SYBU: variants seen among roughly 807,000 people sequenced by gnomAD.
The protein encoded by SYBU is GOLSYN A protein.
SYBU carries 21 observed loss-of-function variants against 35.9 expected under a neutral mutation model. The observed-to-expected ratio is 0.58, with a 90% confidence interval of 0.41 to 0.84. The LOEUF is 0.84. Ranked by LOEUF, SYBU falls within the 40% of genes least tolerant of loss-of-function variation. The pLI is 0.00. For missense variants in SYBU, 768 were observed against 848.2 expected, an observed-to-expected ratio of 0.91 and a Z score of 1.17; for synonymous variants, 319 against 324.3, an observed-to-expected ratio of 0.98 and a Z score of 0.18.
At chr8:109,639,668 T>A (rs973367235) in intron 2 of SYBU, among the ~76,000 whole-genome samples, 2 of 152,236 alleles carry the variant, frequency 1.3e-5, no homozygotes, top group Admixed American at 1.3e-4. Context: ...AAGGATGGTA[T>A]TTTTTAATAT....
chr8:109,650,591 C>T (rs1248968826), intron 1 of SYBU, among the ~76,000 whole-genome samples: 3 of 152,146 alleles, frequency 2.0e-5, no homozygotes, highest in African/African-American at 7.2e-5. Context: ...CTAGGTTATT[C>T]CTGTGAACCA....
intron 2 of SYBU, among the ~76,000 whole-genome samples, chr8:109,623,959 G>GT (rs891775185): frequency 2.0e-5 from 3 of 151,982 alleles, no homozygotes; most frequent in African/African-American, 7.2e-5. Flanking sequence ...TTTGCTTTTT[G>GT]TTTTATCAAA....
intron 1 of SYBU, among the ~76,000 whole-genome samples, chr8:109,659,232 T>A (rs1816473435): frequency 6.6e-6 from 1 of 152,168 alleles, no homozygotes; most frequent in Non-Finnish European, 1.5e-5. Flanking sequence ...AGAAAGACAG[T>A]CTTGCTCCAA....
rs112945043 is a variant in SYBU, at chr8:109,605,881, G to T, written c.427+12961C>A. Among the ~76,000 whole-genome samples, 806 of 152,204 alleles carry T rather than the reference G, an allele frequency of 5.3e-3. 7 individuals are homozygous for T. The highest frequency in any genetic ancestry group is 0.017 in the African/African-American group (715 of 41,544). On this transcript the variant is annotated intron_variant, in intron 3 of 6. Transcript: ENST00000276646. Reference sequence around the variant, plus strand: ...ATGGAAATCCTTTCAGGAAAAAAAAGAACTTAATATTTGAACCTAGATTTT... The same window carrying T: ...ATGGAAATCCTTTCAGGAAAAAAAATAACTTAATATTTGAACCTAGATTTT...
intron 1 of SYBU, among the ~76,000 whole-genome samples, chr8:109,656,896 T>G (rs1319297733): frequency 6.6e-6 from 1 of 152,118 alleles, no homozygotes; most frequent in African/African-American, 2.4e-5. Context: ...AAATATTATT[T>G]TGACACTTAA....
intron 2 of SYBU, among the ~76,000 whole-genome samples, chr8:109,621,579 T>C (rs767718511): frequency 2.0e-5 from 3 of 152,230 alleles, no homozygotes; most frequent in Non-Finnish European, 4.4e-5. Flanking sequence ...GGTCTTTCAT[T>C]GGTTAAATGA....
chr8:109,608,095 C>T (rs1826254074), intron 3 of SYBU: 2 of 665,522 alleles, frequency 3.0e-6, no homozygotes, highest in Admixed American at 3.0e-5. Flanking sequence ...AAGGAAGTTA[C>T]TCTGCTGGCA....
chr8:109,668,214 C>A (rs1324438253), intron 1 of SYBU, among the ~76,000 whole-genome samples: 5 of 99,326 alleles, frequency 5.0e-5, no homozygotes, highest in African/African-American at 1.2e-4. Flanking sequence ...CTTTTAATAG[C>A]GTAGGCATTT....
intron 3 of SYBU, among the ~76,000 whole-genome samples, chr8:109,601,733 C>G (rs1825547683): frequency 6.6e-6 from 1 of 152,076 alleles, no homozygotes; most frequent in South Asian, 2.1e-4. Flanking sequence ...AACTAAAACA[C>G]AGAGGAAGAA....
Position 109,580,005 on chromosome 8 carries a change from G to A in SYBU, c.531-3C>T, listed in dbSNP as rs368067978. On this transcript the variant is annotated splice_region_variant and splice_polypyrimidine_tract_variant and intron_variant, in intron 4 of 6. Transcript: ENST00000276646. ...TACTCCGCCCATGAGGACCTCGACTGGGAGAAAAGAATGAAAAATGTTAAA... is the reference window on the plus strand; with the variant it reads ...TACTCCGCCCATGAGGACCTCGACTAGGAGAAAAGAATGAAAAATGTTAAA... The A allele has an allele frequency of 2.5e-6, 4 of 1,611,762 alleles. No individual in the cohort carries two copies. The African/African-American group carries it at 4.0e-5, about 16-fold the overall frequency.
chr8:109,596,884 C>T (rs1291669367), intron 3 of SYBU, among the ~76,000 whole-genome samples: 1 of 152,096 alleles, frequency 6.6e-6, no homozygotes, highest in Non-Finnish European at 1.5e-5. Context: ...ATTCCATAGG[C>T]AAAAAGAAAT....
chr8:109,585,885 T>G, intron 4 of SYBU, 175 bp downstream of exon 4: 1 of 588,990 alleles, frequency 1.7e-6, no homozygotes, highest in East Asian at 2.9e-5. Context: ...GTGACCACAG[T>G]TGGCAAGACA....
At chr8:109,616,977 A>G (rs1371658199) in intron 3 of SYBU, among the ~76,000 whole-genome samples, 2 of 147,192 alleles carry the variant, frequency 1.4e-5, no homozygotes, top group Non-Finnish European at 3.0e-5. Flanking sequence ...CATTTCTACT[A>G]AAAAAAAAAG....
intron 3 of SYBU, among the ~76,000 whole-genome samples, chr8:109,591,208 AAAAC>A (rs1371899531): frequency 1.3e-5 from 2 of 152,190 alleles, no homozygotes; most frequent in African/African-American, 4.8e-5. Context: ...CTAGATGAGA[AAAAC>A]AAGATGCAGA....
At chr8:109,673,491 T>A (rs570833477) in intron 1 of SYBU, among the ~76,000 whole-genome samples, 1 of 152,026 alleles carries the variant, frequency 6.6e-6, no homozygotes, top group African/African-American at 2.4e-5. Context: ...AGCATCAACA[T>A]CAACATAAAG....
At chr8:109,638,904 A>T (rs181759901) in intron 2 of SYBU, among the ~76,000 whole-genome samples, 1 of 152,342 alleles carries the variant, frequency 6.6e-6, no homozygotes, top group African/African-American at 2.4e-5. Context: ...CTCTTTGGGG[A>T]CACACCCCAA....
At chr8:109,642,622 G>T in intron 2 of SYBU, 106 bp downstream of exon 2, 1 of 623,626 alleles carries the variant, frequency 1.6e-6, no homozygotes, top group Non-Finnish European at 2.5e-6. Flanking sequence ...CATCCTAATA[G>T]TAGAAGTGTA....
intron 2 of SYBU, among the ~76,000 whole-genome samples, chr8:109,629,990 T>A (rs1813424170): frequency 6.6e-6 from 1 of 152,048 alleles, no homozygotes; most frequent in African/African-American, 2.4e-5. Flanking sequence ...TTTGATGGGG[T>A]TGTTTGTTTT....
intron 1 of SYBU, among the ~76,000 whole-genome samples, chr8:109,674,388 C>T (rs145061737): frequency 0.044 from 6,766 of 152,098 alleles, 210 homozygotes; most frequent in Non-Finnish European, 0.073. Flanking sequence ...ATTCAACATT[C>T]TTAAAGAAAC....
Sources: allele counts gnomAD v4.1 joint callset (sites outside exome capture counted in the v4.1 genomes callset), GRCh38; gene constraint gnomAD v4.1.1; transcripts MANE v1.5; gene names NCBI Gene and HGNC (gene_info 2026-07-23, HGNC 2026-07-21).